The following SNTG1 variants were observed in gnomAD, a reference collection of about 807,000 sequenced individuals.
The protein encoded by SNTG1 is gamma-1-syntrophin.
SNTG1 carries 39 observed loss-of-function variants against 74.7 expected under a neutral mutation model. The ratio of observed to expected loss-of-function variants is 0.52; its 90% CI spans 0.40 to 0.68. The LOEUF (loss-of-function observed/expected upper bound fraction) is 0.68. Ranked by LOEUF, SNTG1 falls within the 30% of genes least tolerant of loss-of-function variation. SNTG1 has a pLI of 0.00. For missense variants in SNTG1, 685 were observed against 609.5 expected (o/e 1.12, Z -1.30); for synonymous variants, 254 against 217.1 (o/e 1.17, Z -1.49).
chr8:50,595,828 T>C (rs2094723578), intron 13 of SNTG1, among the ~76,000 whole-genome samples: 1 of 152,066 alleles, frequency 6.6e-6, no homozygotes, highest in Non-Finnish European at 1.5e-5. Context: ...TGCTGGGTAG[T>C]ATTTTATCGG....
At chr8:50,115,985 C>A (rs2131331771) in intron 1 of SNTG1, among the ~76,000 whole-genome samples, 1 of 152,202 alleles carries the variant, frequency 6.6e-6, no homozygotes, top group Non-Finnish European at 1.5e-5. Flanking sequence ...GCTGAAGCAG[C>A]CCTCCCCAGC....
intron 1 of SNTG1, among the ~76,000 whole-genome samples, chr8:50,080,143 A>G (rs1335288362): frequency 6.6e-6 from 1 of 152,138 alleles, no homozygotes; most frequent in African/African-American, 2.4e-5. Context: ...ATGAATTATA[A>G]AAGTTTTATT....
chr8:50,648,609 C>T (rs1227339461), intron 13 of SNTG1, among the ~76,000 whole-genome samples: 1 of 152,024 alleles, frequency 6.6e-6, no homozygotes, highest in Non-Finnish European at 1.5e-5. Flanking sequence ...TTACAAAACT[C>T]TACATTATTT....
chr8:50,749,049 A>G (rs143886888), intron 17 of SNTG1, among the ~76,000 whole-genome samples: 128 of 152,188 alleles, frequency 8.4e-4, no homozygotes, highest in East Asian at 2.9e-3. Context: ...GAGATAGGCT[A>G]AAAGCTGGGC....
chr8:49,978,246 G>GGAGA (rs368903520), intron 1 of SNTG1, among the ~76,000 whole-genome samples: 1 of 150,176 alleles, frequency 6.7e-6, no homozygotes, highest in Non-Finnish European at 1.5e-5. Flanking sequence ...GGGGAGAGAG[G>GGAGA]GAGAGAGAGA....
Position 50,037,580 on chromosome 8 carries a change from C to T in SNTG1, c.-103+125349C>T, listed in dbSNP as rs118056543. ...TTAATGTGAATTTAAAATTATCCTG[C>T]TTCTCCTAATATATGTTGTGTATTT... On this transcript the variant is annotated intron_variant, in intron 1 of 18. Coordinates refer to ENST00000642720, the MANE Select transcript of SNTG1 (RefSeq NM_018967.5). Among the ~76,000 whole-genome samples the T allele has an allele frequency of 2.1e-3, 313 of 152,320 alleles. 3 individuals are homozygous for T. The highest frequency in any genetic ancestry group is 3.2e-3 in the Non-Finnish European group (220 of 68,030).
chr8:50,236,692 C>T (rs1343840180), intron 2 of SNTG1, among the ~76,000 whole-genome samples: 5 of 152,046 alleles, frequency 3.3e-5, no homozygotes, highest in Admixed American at 1.3e-4. Context: ...CCTTGTGATC[C>T]GCCCGCCTTG....
intron 12 of SNTG1, among the ~76,000 whole-genome samples, chr8:50,567,713 A>G (rs1358624590): frequency 6.6e-6 from 1 of 152,146 alleles, no homozygotes; most frequent in African/African-American, 2.4e-5. Context: ...AATGTTTTAA[A>G]TGGATAATGA....
intron 1 of SNTG1, among the ~76,000 whole-genome samples, chr8:50,079,977 A>T (rs1202248151): frequency 6.6e-6 from 1 of 152,186 alleles, no homozygotes; most frequent in East Asian, 1.9e-4. Context: ...GAAGTCAGGT[A>T]GTGTGATACC....
intron 11 of SNTG1, 140 bp downstream of exon 11, chr8:50,536,948 TAACA>T (rs1237439898): frequency 9.2e-6 from 10 of 1,085,374 alleles, no homozygotes; most frequent in Non-Finnish European, 1.3e-5. Context: ...AATAATAATC[TAACA>T]AAGTTAAACA....
intron 13 of SNTG1, chr8:50,643,724 A>G (rs537321550): frequency 1.3e-5 from 2 of 152,352 alleles, no homozygotes; most frequent in Admixed American, 1.3e-4. Context: ...AAATTATCTG[A>G]TAAAATGTAT....
intron 8 of SNTG1, among the ~76,000 whole-genome samples, chr8:50,478,044 C>T (rs1240997541): frequency 2.6e-5 from 4 of 152,130 alleles, no homozygotes; most frequent in African/African-American, 9.7e-5. Flanking sequence ...CCATTACTTT[C>T]AGAAAGAGCT....
intron 1 of SNTG1, among the ~76,000 whole-genome samples, chr8:49,958,521 A>C (rs1355382468): frequency 6.6e-6 from 1 of 151,772 alleles, no homozygotes; most frequent in Non-Finnish European, 1.5e-5. Flanking sequence ...TCCAGGGTTC[A>C]AGCAGTTCTC....
intron 1 of SNTG1, among the ~76,000 whole-genome samples, chr8:49,917,665 C>A (rs575857602): frequency 1.3e-5 from 2 of 152,334 alleles, no homozygotes; most frequent in South Asian, 2.1e-4. Flanking sequence ...GCTTTATATT[C>A]TCTTCCAAAC....
chr8:50,598,715 C>G (rs2094749838), intron 13 of SNTG1, among the ~76,000 whole-genome samples: 1 of 151,964 alleles, frequency 6.6e-6, no homozygotes. Flanking sequence ...TGAACACAGA[C>G]TACCTTTCTA....
At chr8:50,432,701 G>T (rs1016636899) in intron 4 of SNTG1, among the ~76,000 whole-genome samples, 9 of 151,788 alleles carry the variant, frequency 5.9e-5, no homozygotes, top group Non-Finnish European at 8.8e-5. Flanking sequence ...AGATTTTTTA[G>T]TTTCATATAT....
At chr8:50,266,680 G>GTATATATATATA (rs1247350057) in intron 2 of SNTG1, among the ~76,000 whole-genome samples, 1 of 136,804 alleles carries the variant, frequency 7.3e-6, no homozygotes, top group African/African-American at 2.9e-5. Context: ...GTGTGTGTGT[G>GTATATATATATA]TGTGTATATA....
chr8:50,619,910 G>GAA (rs779432001), intron 13 of SNTG1, among the ~76,000 whole-genome samples: 27 of 102,152 alleles, frequency 2.6e-4, no homozygotes, highest in South Asian at 9.7e-4. Flanking sequence ...CATGTCTGCA[G>GAA]AAAAAAAAAA....
At chr8:49,957,810 T>G (rs571040766) in intron 1 of SNTG1, among the ~76,000 whole-genome samples, 1 of 152,092 alleles carries the variant, frequency 6.6e-6, no homozygotes, top group Non-Finnish European at 1.5e-5. Context: ...CACAAATTTT[T>G]TTTTTAAAAG....
Sources: allele counts gnomAD v4.1 joint callset (sites outside exome capture counted in the v4.1 genomes callset), GRCh38; gene constraint gnomAD v4.1.1; transcripts MANE v1.5; gene names NCBI Gene and HGNC (gene_info 2026-07-23, HGNC 2026-07-21).